The following SLC8A1 variants were observed in gnomAD, a reference collection of about 807,000 sequenced individuals.
The protein encoded by SLC8A1 is solute carrier family 8 member A1.
SLC8A1 carries 18 observed loss-of-function variants against 68.3 expected under a neutral mutation model. That is an observed-to-expected ratio of 0.26 (90% CI 0.18 to 0.39). The LOEUF (loss-of-function observed/expected upper bound fraction) is 0.39. SLC8A1 is among the 10% of genes least tolerant of loss of function. The probability of loss-of-function intolerance (pLI) is 1.00; values close to 1 mark genes in which losing one functional copy is unlikely to be tolerated. For synonymous variants in SLC8A1, 475 were observed against 415.5 expected (o/e 1.14, Z -1.74); for missense variants, 985 against 1,156.7 (o/e 0.85, Z 2.15).
chr2:40,245,633 G>A (rs956027253), intron 2 of SLC8A1, among the ~76,000 whole-genome samples: 1 of 151,786 alleles, frequency 6.6e-6, no homozygotes, highest in African/African-American at 2.4e-5. Context: ...CAAACCAGAC[G>A]TCTTTGCATT....
At chr2:40,395,729 A>C (rs1686707804) in intron 2 of SLC8A1, among the ~76,000 whole-genome samples, 1 of 152,160 alleles carries the variant, frequency 6.6e-6, no homozygotes, top group African/African-American at 2.4e-5. Flanking sequence ...ATAAGAACTC[A>C]AAATTAAGAC....
At chr2:40,431,957 C>A (rs1254771949) in intron 1 of SLC8A1, among the ~76,000 whole-genome samples, 1 of 151,978 alleles carries the variant, frequency 6.6e-6, no homozygotes, top group Non-Finnish European at 1.5e-5. Context: ...TTTTCCCATA[C>A]TAAAGAAAAT....
At chr2:40,434,997 T>TG (rs1308242809) in intron 1 of SLC8A1, among the ~76,000 whole-genome samples, 1 of 152,156 alleles carries the variant, frequency 6.6e-6, no homozygotes, top group Non-Finnish European at 1.5e-5. Context: ...GACCATTCCC[T>TG]GCTGGAAGCT....
chr2:40,162,555 C>G, intron 5 of SLC8A1, among the ~76,000 whole-genome samples: 1 of 152,010 alleles, frequency 6.6e-6, no homozygotes, highest in East Asian at 1.9e-4. Flanking sequence ...GTGTAAAACT[C>G]AGGGTAGATT....
chr2:40,270,110 A>C (rs2065849227), intron 2 of SLC8A1, among the ~76,000 whole-genome samples: 1 of 152,230 alleles, frequency 6.6e-6, no homozygotes, highest in African/African-American at 2.4e-5. Flanking sequence ...TCCCTGAGGC[A>C]TAAGGAAGGG....
At chr2:40,318,262 A>G (rs1437905026) in intron 2 of SLC8A1, among the ~76,000 whole-genome samples, 6 of 152,008 alleles carry the variant, frequency 3.9e-5, no homozygotes, top group Non-Finnish European at 7.4e-5. Context: ...TGATTATCTG[A>G]GCCTCATCTC....
chr2:40,485,036 T>TA (rs368204144), intron 1 of SLC8A1, among the ~76,000 whole-genome samples: 125 of 152,252 alleles, frequency 8.2e-4, no homozygotes, highest in African/African-American at 2.7e-3. Flanking sequence ...TACTAAAGAA[T>TA]AAGAGCTTGC....
intron 2 of SLC8A1, among the ~76,000 whole-genome samples, chr2:40,252,836 G>GTAGA (rs2063020202): frequency 7.2e-6 from 1 of 139,656 alleles, no homozygotes; most frequent in South Asian, 2.2e-4. Flanking sequence ...ATATACATGT[G>GTAGA]TATACATATA....
chr2:40,406,209 G>T (rs1343571236), intron 2 of SLC8A1, among the ~76,000 whole-genome samples: 1 of 152,134 alleles, frequency 6.6e-6, no homozygotes, highest in Non-Finnish European at 1.5e-5. Flanking sequence ...ATATGCCAAA[G>T]ATTATGCAAA....
At chr2:40,478,170 C>T (rs747895101) in intron 1 of SLC8A1, among the ~76,000 whole-genome samples, 2 of 151,940 alleles carry the variant, frequency 1.3e-5, no homozygotes, top group Non-Finnish European at 2.9e-5. Context: ...ATGATAAAAC[C>T]CTTGTTCACC....
chr2:40,222,464 G>C lies in SLC8A1; in HGVS notation c.1809-44609C>G, dbSNP rs577181324. On this transcript the variant is annotated intron_variant, in intron 2 of 7. Transcript: ENST00000406785. ...GCAATACCATTCAGGACATAGGCATGGGCAAAGACTTCATGACTAAAACAC... is the reference window on the plus strand; with the variant it reads ...GCAATACCATTCAGGACATAGGCATCGGCAAAGACTTCATGACTAAAACAC... Among the ~76,000 whole-genome samples the C allele has an allele frequency of 3.3e-5, 5 of 152,266 alleles. No homozygotes were observed. In the South Asian group the frequency reaches 1.0e-3, roughly 32 times the overall value.
At chr2:40,469,744 T>G (rs1015148102) in intron 1 of SLC8A1, among the ~76,000 whole-genome samples, 3 of 152,146 alleles carry the variant, frequency 2.0e-5, no homozygotes, top group African/African-American at 7.2e-5. Flanking sequence ...TTATAAGCTA[T>G]TGAATGTATT....
chr2:40,221,920 A>G (rs1378879546), intron 2 of SLC8A1, among the ~76,000 whole-genome samples: 1 of 152,230 alleles, frequency 6.6e-6, no homozygotes, highest in Non-Finnish European at 1.5e-5. Context: ...GGAAGAATCA[A>G]TATCATTTAA....
At chr2:40,401,439 T>C (rs1421808315) in intron 2 of SLC8A1, among the ~76,000 whole-genome samples, 3 of 152,072 alleles carry the variant, frequency 2.0e-5, no homozygotes, top group African/African-American at 4.8e-5. Context: ...TTTTTTAACA[T>C]GATTCTTTGT....
chr2:40,346,222 A>C (rs1669260333), intron 2 of SLC8A1, among the ~76,000 whole-genome samples: 1 of 152,074 alleles, frequency 6.6e-6, no homozygotes, highest in Admixed American at 6.6e-5. Flanking sequence ...CTTTTATTGC[A>C]CACAGTGAGA....
At chr2:40,316,868 A>G (rs2074523556) in intron 2 of SLC8A1, among the ~76,000 whole-genome samples, 2 of 151,914 alleles carry the variant, frequency 1.3e-5, no homozygotes, top group African/African-American at 4.8e-5. Flanking sequence ...GAAAGCAACC[A>G]TACCTCAGGG....
intron 2 of SLC8A1, among the ~76,000 whole-genome samples, chr2:40,225,917 T>C (rs2148868329): frequency 6.6e-6 from 1 of 152,312 alleles, no homozygotes; most frequent in East Asian, 1.9e-4. Context: ...TTGCTCTATT[T>C]ATACACTGCT....
chr2:40,452,206 C>CGCCCGCA (rs1702648566), upstream of SLC8A1: 1 of 148,336 alleles, frequency 6.7e-6, no homozygotes. Context: ...GCCCGCCCGC[C>CGCCCGCA]GCCCGCAGCC....
At chr2:40,409,976 G>A (rs1200135206) in intron 2 of SLC8A1, among the ~76,000 whole-genome samples, 4 of 151,750 alleles carry the variant, frequency 2.6e-5, no homozygotes, top group Non-Finnish European at 5.9e-5. Flanking sequence ...CTAGTGAATA[G>A]GAGCAACCAC....
Sources: gnomAD v4.1 joint callset for allele counts (sites outside exome capture counted in the v4.1 genomes callset) on GRCh38, gnomAD v4.1.1 for gene constraint, MANE v1.5 for transcripts, NCBI Gene and HGNC (gene_info 2026-07-23, HGNC 2026-07-21) for gene names.